The following FMN1 variants were observed in gnomAD, a reference collection of about 807,000 sequenced individuals.
FMN1 encodes formin-1.
Under a neutral mutation model 132.4 loss-of-function variants are expected in FMN1, and 110 were observed. That is an observed-to-expected ratio of 0.83 (90% CI 0.71 to 0.97). The LOEUF (loss-of-function observed/expected upper bound fraction) is 0.97, where lower values mean the gene tolerates loss of function less well. FMN1 is among the 50% of genes least tolerant of loss of function. The probability of loss-of-function intolerance (pLI) is 0.00; values close to 1 mark genes in which losing one functional copy is unlikely to be tolerated. For synonymous variants in FMN1, 722 were observed against 651.7 expected, an observed-to-expected ratio of 1.11 and a Z score of -1.64; for missense variants, 1,792 against 1,705.3, an observed-to-expected ratio of 1.05 and a Z score of -0.90.
At chr15:32,975,172 T>C (rs762242803) in intron 7 of FMN1, among the ~76,000 whole-genome samples, 12 of 152,344 alleles carry the variant, frequency 7.9e-5, no homozygotes, top group Middle Eastern at 3.4e-3. Flanking sequence ...TTCTTAATTC[T>C]GCTTGACAAA....
At chr15:32,914,250 G>A (rs1209219400) in intron 10 of FMN1, among the ~76,000 whole-genome samples, 1 of 152,108 alleles carries the variant, frequency 6.6e-6, no homozygotes, top group Non-Finnish European at 1.5e-5. Flanking sequence ...ATTGCTTTAG[G>A]CAGACACTGA....
At chr15:32,818,884 C>G (rs1291910699) in intron 17 of FMN1, among the ~76,000 whole-genome samples, 2 of 151,046 alleles carry the variant, frequency 1.3e-5, no homozygotes, top group African/African-American at 2.4e-5. Context: ...TACGCAGGAG[C>G]CTGAAGCTAA....
At chr15:33,141,564 T>C (rs954723846) in intron 4 of FMN1, among the ~76,000 whole-genome samples, 9 of 152,072 alleles carry the variant, frequency 5.9e-5, no homozygotes, top group South Asian at 2.1e-4. Flanking sequence ...GGAAGCAGGA[T>C]TGGAGAAGAT....
intron 7 of FMN1, among the ~76,000 whole-genome samples, chr15:32,983,175 G>A (rs2032816394): frequency 6.6e-6 from 1 of 152,118 alleles, no homozygotes; most frequent in African/African-American, 2.4e-5. Context: ...ATCCTACTCA[G>A]AAGTAAAAAG....
intron 15 of FMN1, among the ~76,000 whole-genome samples, chr15:32,892,997 C>T (rs545538960): frequency 9.2e-5 from 14 of 152,296 alleles, no homozygotes; most frequent in Admixed American, 8.5e-4. Context: ...GGCACTACTA[C>T]AGAGGGCTTG....
intron 10 of FMN1, among the ~76,000 whole-genome samples, chr15:32,919,228 T>C (rs1007361031): frequency 6.6e-6 from 1 of 152,162 alleles, no homozygotes; most frequent in African/African-American, 2.4e-5. Flanking sequence ...AATAAACAAG[T>C]TGGCTTCAAA....
chr15:33,147,134 T>TA (rs908018598), intron 4 of FMN1, among the ~76,000 whole-genome samples: 4 of 142,014 alleles, frequency 2.8e-5, no homozygotes, highest in Non-Finnish European at 4.5e-5. Context: ...CACTGTACTC[T>TA]AGCCTGGGAA....
intron 16 of FMN1, among the ~76,000 whole-genome samples, chr15:32,858,925 T>C (rs2059199737): frequency 6.6e-6 from 1 of 152,208 alleles, no homozygotes; most frequent in South Asian, 2.1e-4. Flanking sequence ...ACTACCATTC[T>C]TTTCTCAAAA....
chr15:33,053,966 A>C (rs547852729), intron 6 of FMN1, among the ~76,000 whole-genome samples: 11 of 152,312 alleles, frequency 7.2e-5, no homozygotes, highest in African/African-American at 2.4e-4. Flanking sequence ...TTGAGTAAGT[A>C]AATCACTGGA....
chr15:33,048,914 T>C (rs1471244831), intron 6 of FMN1, among the ~76,000 whole-genome samples: 2 of 152,148 alleles, frequency 1.3e-5, no homozygotes, highest in Admixed American at 6.6e-5. Flanking sequence ...AAGATTTGGG[T>C]GAGGACACAG....
chr15:32,874,141 C>T (rs567569168), intron 16 of FMN1, among the ~76,000 whole-genome samples: 52 of 151,652 alleles, frequency 3.4e-4, no homozygotes, highest in African/African-American at 1.2e-3. Context: ...CCTGCCTTAG[C>T]CTCCTGAGTA....
At chr15:33,016,948 A>AG (rs2035084493) in intron 6 of FMN1, among the ~76,000 whole-genome samples, 1 of 152,176 alleles carries the variant, frequency 6.6e-6, no homozygotes, top group Admixed American at 6.5e-5. Context: ...CCAGCTTGAG[A>AG]GGCCTGTCTC....
rs760481153 is a variant in FMN1, at chr15:32,969,446, C to T, written c.2255G>A (p.Arg752Gln). 6.8e-6 allele frequency: 11 copies of T among 1,613,730 alleles called. No individual in the cohort carries two copies. Among genetic ancestry groups the T allele is most frequent in the East Asian group, 2.2e-5 (1 of 44,868 alleles). ...AQFELRAFHIRGEHAMITARL... is the reference protein window; with the variant it reads ...AQFELRAFHIQGEHAMITARL... ...CGCTGTTATCATTGCATGCTCGCCCCGGATATGAAATGCCCGAAGTTCAAA... is the reference window on the plus strand; with the variant it reads ...CGCTGTTATCATTGCATGCTCGCCCTGGATATGAAATGCCCGAAGTTCAAA... The change falls in exon 8 of 21, where the codon CGG (arginine) becomes CAG (glutamine). Residue 752 changes from arginine (R) to glutamine (Q), a missense_variant. Physicochemically the swap from Arg to Gln is conservative, Grantham distance 43. Transcript: ENST00000616417.
chr15:32,810,811 G>A (rs113819172), intron 17 of FMN1: 57 of 328,664 alleles, frequency 1.7e-4, no homozygotes, highest in African/African-American at 1.1e-3. Context: ...TATCTTCCTA[G>A]TATTCTTTAC....
rs780699031 is a variant in FMN1, at chr15:33,154,247, T to C, written c.668A>G (p.Asn223Ser). ...VLEEKGNLLP[N>S]GALACSLQRR... ...CTGCAGGGAGCAGGCAAGTGCCCCATTCGGGAGCAGATTTCCTTTCTCCTC... is the reference window on the plus strand; with the variant it reads ...CTGCAGGGAGCAGGCAAGTGCCCCACTCGGGAGCAGATTTCCTTTCTCCTC... The change falls in exon 4 of 21, where the codon AAT becomes AGT. Residue 223 changes from asparagine to serine, a missense_variant. Around this residue, in one of 3 missense-constraint regions of FMN1, gnomAD observed 638 missense variants for 645.2 expected, o/e 0.99. Transcript: ENST00000616417. 3.9e-6 allele frequency: 6 copies of C among 1,536,188 alleles called. No individual in the cohort carries two copies. The highest frequency in any genetic ancestry group is 5.2e-6 in the Non-Finnish European group (6 of 1,146,920).
chr15:33,031,980 A>G (rs1013609569), intron 6 of FMN1, among the ~76,000 whole-genome samples: 2 of 152,106 alleles, frequency 1.3e-5, no homozygotes, highest in East Asian at 1.9e-4. Flanking sequence ...CTAAAAATCA[A>G]TAAATGTAAT....
chr15:32,831,225 CT>C (rs796891787), intron 17 of FMN1, among the ~76,000 whole-genome samples: 78 of 146,666 alleles, frequency 5.3e-4, no homozygotes, highest in East Asian at 2.0e-3. Context: ...ATTATTTTTA[CT>C]TTTTTTTTTT....
intron 4 of FMN1, among the ~76,000 whole-genome samples, chr15:33,141,097 C>A (rs2468748): frequency 0.37 from 56,874 of 152,002 alleles, 11,075 homozygotes; most frequent in East Asian, 0.66. Context: ...CTCCTCCCAG[C>A]TTTTCTTCTT....
chr15:33,077,504 T>TC (rs775879494), intron 5 of FMN1, among the ~76,000 whole-genome samples: 13 of 151,852 alleles, frequency 8.6e-5, no homozygotes, highest in African/African-American at 1.7e-4. Context: ...CATAATGCTA[T>TC]CCCTCCCCCT....
Sources: gnomAD v4.1 joint callset for allele counts (sites outside exome capture counted in the v4.1 genomes callset) on GRCh38, gnomAD v4.1.1 for gene constraint, gnomAD v4.1.1 regional missense constraint, MANE v1.5 for transcripts, NCBI Gene and HGNC (gene_info 2026-07-23, HGNC 2026-07-21) for gene names.